The following RASEF variants were observed in gnomAD, a reference collection of about 807,000 sequenced individuals.
RASEF encodes ras and EF-hand domain-containing protein.
RASEF carries 68 observed loss-of-function variants against 90.1 expected under a neutral mutation model. That is an observed-to-expected ratio of 0.75 (90% CI 0.62 to 0.92). The LOEUF is 0.92. RASEF is among the 40% of genes least tolerant of loss of function. The pLI is 0.00. For synonymous variants in RASEF, 331 were observed against 345.2 expected (o/e 0.96, Z 0.46); for missense variants, 949 against 937.2 (o/e 1.01, Z -0.16).
At chr9:83,189,925 T>A in the RASEF span, among the ~76,000 whole-genome samples, 1 of 152,164 alleles carries the variant, frequency 6.6e-6, no homozygotes, top group African/African-American at 2.4e-5. Flanking sequence ...AATACAACGT[T>A]TAAAACTTCT....
At chr9:83,215,117 G>C in the RASEF span, among the ~76,000 whole-genome samples, 1 of 151,674 alleles carries the variant, frequency 6.6e-6, no homozygotes, top group African/African-American at 2.4e-5. Context: ...GGTAGTTGGA[G>C]AGGAGTTAGG....
chr9:83,119,801 C>T, the RASEF span, among the ~76,000 whole-genome samples: 1 of 152,150 alleles, frequency 6.6e-6, no homozygotes, highest in Non-Finnish European at 1.5e-5. Flanking sequence ...GTGAATGGGT[C>T]TCATGAGATC....
At chr9:83,175,575 T>C in the RASEF span, among the ~76,000 whole-genome samples, 5 of 152,084 alleles carry the variant, frequency 3.3e-5, no homozygotes, top group African/African-American at 9.7e-5. Context: ...ATCCTTAGTA[T>C]TATTTCAATC....
intron 1 of RASEF, among the ~76,000 whole-genome samples, chr9:83,058,688 G>A (rs1460622465): frequency 1.3e-5 from 2 of 152,210 alleles, no homozygotes; most frequent in African/African-American, 2.4e-5. Flanking sequence ...CCTACTGGCA[G>A]CTACTTGTTT....
At chr9:83,034,827 C>T (rs951631702) in intron 1 of RASEF, among the ~76,000 whole-genome samples, 7 of 152,202 alleles carry the variant, frequency 4.6e-5, no homozygotes, top group Non-Finnish European at 8.8e-5. Context: ...GCTTCAGCTT[C>T]TTCAACCATA....
the RASEF span, among the ~76,000 whole-genome samples, chr9:83,093,692 C>T: frequency 6.6e-6 from 1 of 152,206 alleles, no homozygotes; most frequent in Admixed American, 6.5e-5. Flanking sequence ...CCTCTCCCTC[C>T]ACACCTCCCT....
chr9:83,163,050 A>G, the RASEF span, among the ~76,000 whole-genome samples: 4 of 152,258 alleles, frequency 2.6e-5, no homozygotes, highest in Non-Finnish European at 5.9e-5. Context: ...CTATTTAACC[A>G]GAACCTAAAC....
At chr9:83,174,766 T>C in the RASEF span, among the ~76,000 whole-genome samples, 13 of 152,176 alleles carry the variant, frequency 8.5e-5, no homozygotes, top group African/African-American at 3.1e-4. Flanking sequence ...GAGATGTCTT[T>C]CCACTTATTT....
At chr9:83,154,257 C>T in the RASEF span, among the ~76,000 whole-genome samples, 18 of 152,248 alleles carry the variant, frequency 1.2e-4, no homozygotes, top group African/African-American at 3.6e-4. Context: ...AGGACAGAAG[C>T]GATGTGGAAA....
the RASEF span, among the ~76,000 whole-genome samples, chr9:83,124,410 A>T: frequency 6.6e-6 from 1 of 152,198 alleles, no homozygotes; most frequent in Non-Finnish European, 1.5e-5. Context: ...TGTCATATTA[A>T]ATGGGCCAAA....
the RASEF span, among the ~76,000 whole-genome samples, chr9:83,140,123 A>G: frequency 1.3e-5 from 2 of 152,146 alleles, no homozygotes; most frequent in Non-Finnish European, 2.9e-5. Context: ...CTAGAGACCT[A>G]TTTCCTTGAA....
the RASEF span, among the ~76,000 whole-genome samples, chr9:83,199,083 A>G: frequency 0.19 from 28,665 of 152,118 alleles, 2,853 homozygotes; most frequent in Admixed American, 0.24. Context: ...CTTCCACAAG[A>G]GAAAAAAGAT....
chr9:82,999,984 G>GACACACACACACACAC (rs55873985), intron 12 of RASEF, among the ~76,000 whole-genome samples, 185 bp downstream of exon 12: 1 of 141,024 alleles, frequency 7.1e-6, no homozygotes, highest in South Asian at 2.4e-4. Flanking sequence ...TAGACTAGGA[G>GACACACACACACACAC]ACACACACAC....
At chr9:83,003,090 C>G (rs117834371) in intron 9 of RASEF, among the ~76,000 whole-genome samples, 1,602 of 152,154 alleles carry the variant, frequency 0.011, 24 homozygotes, top group South Asian at 0.077. Context: ...AAAGTTAAAA[C>G]CAAATAAAGC....
chr9:82,982,801 G>GAGAC lies in RASEF; in HGVS notation c.2118-23_2118-20dup, dbSNP rs781694081. 8.1e-7 allele frequency: 1 copy of GAGAC among 1,227,934 alleles called. No individual in the cohort carries two copies. Among genetic ancestry groups the GAGAC allele is most frequent in the Admixed American group, 1.8e-5 (1 of 54,756 alleles). The allele number at this position is 1,227,934 out of a possible 1,614,324, so 76.1% of individuals were successfully genotyped here. A position where few individuals can be genotyped will look rare whatever the true frequency, so the allele number is the denominator to read the frequency against. On this transcript the variant is annotated intron_variant, in intron 16 of 16. Transcript: ENST00000376447. ...CACTTCTCTGAGACAGAGATAGAGAGAGACAGAGAGAGAGAGAGAGAGAGA... is the reference window on the plus strand; with the variant it reads ...CACTTCTCTGAGACAGAGATAGAGAGAGACAGACAGAGAGAGAGAGAGAGAGAGA...
Position 83,015,904 on chromosome 9 carries a change from A to G in RASEF, c.670-4T>C. On this transcript the variant is annotated splice_polypyrimidine_tract_variant and splice_region_variant and intron_variant, in intron 3 of 16. Coordinates refer to ENST00000376447, the MANE Select transcript of RASEF (RefSeq NM_152573.4). Reference sequence around the variant, plus strand: ...CTTCCTCAGCTTTGCGTTTTTCCTAAAAGAAAAAAAAATATGTTGTTCATT... The same window carrying G: ...CTTCCTCAGCTTTGCGTTTTTCCTAGAAGAAAAAAAAATATGTTGTTCATT... The G allele has an allele frequency of 6.2e-7, 1 of 1,605,542 alleles. No individual in the cohort carries two copies. Among genetic ancestry groups the G allele is most frequent in the Non-Finnish European group, 8.5e-7 (1 of 1,173,796 alleles).
At chr9:83,107,194 AT>A in the RASEF span, among the ~76,000 whole-genome samples, 49 of 152,154 alleles carry the variant, frequency 3.2e-4, no homozygotes, top group African/African-American at 1.1e-3. Context: ...CTACCACCAC[AT>A]TCTTCTGTGC....
chr9:83,103,925 G>A, the RASEF span, among the ~76,000 whole-genome samples: 1 of 152,132 alleles, frequency 6.6e-6, no homozygotes, highest in African/African-American at 2.4e-5. Flanking sequence ...ATGATGAGAA[G>A]TCCCATTCAA....
chr9:83,074,974 T>C, the RASEF span, among the ~76,000 whole-genome samples: 2 of 152,240 alleles, frequency 1.3e-5, no homozygotes, highest in Non-Finnish European at 1.5e-5. Flanking sequence ...CTGGAAATTA[T>C]ATTAACTTAC....
Sources: allele counts gnomAD v4.1 joint callset (sites outside exome capture counted in the v4.1 genomes callset), GRCh38; gene constraint gnomAD v4.1.1; transcripts MANE v1.5; gene names NCBI Gene and HGNC (gene_info 2026-07-23, HGNC 2026-07-21).